Variants in ADCY8 observed in about 807,000 individuals in gnomAD.
ADCY8 encodes the protein adenylate cyclase type 8.
In ADCY8, 51 loss-of-function variants were observed where a neutral mutation model predicts 119.7. The observed-to-expected ratio is 0.43, with a 90% CI of 0.34 to 0.54. The LOEUF (loss-of-function observed/expected upper bound fraction) is 0.54. Among genes scored for constraint, ADCY8 ranks in the 20% least tolerant of loss-of-function variants. The probability of loss-of-function intolerance (pLI) is 0.03; values close to 1 mark genes in which losing one functional copy is unlikely to be tolerated. For missense variants in ADCY8, 1,383 were observed against 1,598.8 expected (o/e 0.87, Z 2.30); for synonymous variants, 665 against 651.0 (o/e 1.02, Z -0.33).
chr8:130,887,825 A>G (rs995452254), intron 7 of ADCY8, among the ~76,000 whole-genome samples: 2 of 151,746 alleles, frequency 1.3e-5, no homozygotes, highest in African/African-American at 4.8e-5. Flanking sequence ...TGTCACCTTC[A>G]GTGGGATAAT....
intron 3 of ADCY8, among the ~76,000 whole-genome samples, chr8:130,945,042 C>T (rs558765641): frequency 2.1e-3 from 323 of 152,164 alleles, no homozygotes; most frequent in Middle Eastern, 6.8e-3. Context: ...ATGTGATGAG[C>T]GAAGTGATTG....
intron 5 of ADCY8, among the ~76,000 whole-genome samples, chr8:130,928,114 G>C (rs1208268663): frequency 6.6e-6 from 1 of 152,134 alleles, no homozygotes; most frequent in African/African-American, 2.4e-5. Context: ...GCAGTCACCT[G>C]TGGCTGCCGA....
intron 6 of ADCY8, among the ~76,000 whole-genome samples, chr8:130,904,464 A>C (rs777974551): frequency 2.4e-4 from 37 of 152,276 alleles, no homozygotes; most frequent in Non-Finnish European, 1.9e-4. Flanking sequence ...ATGCAAAAAC[A>C]GTTCTTTCTT....
chr8:130,867,806 A>G, intron 9 of ADCY8, 40 bp downstream of exon 9: 1 of 1,447,536 alleles, frequency 6.9e-7, no homozygotes, highest in Non-Finnish European at 9.6e-7. Context: ...GGAATCTCAC[A>G]AAGATATTTC....
intron 7 of ADCY8, 52 bp downstream of exon 7, chr8:130,903,720 T>G (rs1204942804): frequency 1.5e-5 from 24 of 1,590,474 alleles, no homozygotes; most frequent in Non-Finnish European, 2.1e-5. Context: ...GGATTGGAGA[T>G]GCACACGAGC....
At chr8:130,844,668 A>C (rs983371355) in intron 11 of ADCY8, among the ~76,000 whole-genome samples, 2 of 152,180 alleles carry the variant, frequency 1.3e-5, no homozygotes, top group African/African-American at 4.8e-5. Flanking sequence ...ATGTGTGCGC[A>C]CATACACATG....
chr8:130,972,721 G>A (rs867602063), intron 2 of ADCY8, among the ~76,000 whole-genome samples: 3 of 152,122 alleles, frequency 2.0e-5, no homozygotes, highest in African/African-American at 7.2e-5. Flanking sequence ...CACGAATGAA[G>A]CCCAACACAT....
chr8:131,027,062 G>A (rs1823844741), intron 1 of ADCY8, among the ~76,000 whole-genome samples: 2 of 152,098 alleles, frequency 1.3e-5, no homozygotes, highest in African/African-American at 4.8e-5. Flanking sequence ...TGTTAAGTTT[G>A]GCATATAGCA....
intron 8 of ADCY8, 128 bp downstream of exon 8, chr8:130,884,436 G>T: frequency 1.0e-6 from 1 of 955,330 alleles, no homozygotes; most frequent in Non-Finnish European, 1.6e-6. Flanking sequence ...ATGAAAGACA[G>T]TACCAAACCA....
chr8:131,005,746 A>G (rs1211364301), intron 1 of ADCY8, among the ~76,000 whole-genome samples: 1 of 152,136 alleles, frequency 6.6e-6, no homozygotes, highest in African/African-American at 2.4e-5. Flanking sequence ...CCTCTACTGT[A>G]GAGGAGCTCT....
Position 131,039,848 on chromosome 8 carries a change from T to C in ADCY8, c.486A>G (p.Lys162=), listed in dbSNP as rs780806669. The change falls in exon 1 of 18, where the codon AAA becomes AAG. Residue 162 remains lysine, a synonymous_variant. Transcript: ENST00000286355. ...GGTAGAGGCGTTCCAAATCCCGAGA[T>C]TTGAAGGAGTTGCGCAGGGTGGGGA... ...VIFPTLRNSF[K]SRDLERLYQR... 4.3e-6 allele frequency: 7 copies of C among 1,613,988 alleles called. No individual in the cohort carries two copies. The Admixed American group carries it at 1.2e-4, about 27-fold the overall frequency.
At chr8:130,805,812 G>A (rs1040785203) in intron 14 of ADCY8, among the ~76,000 whole-genome samples, 3 of 152,174 alleles carry the variant, frequency 2.0e-5, no homozygotes, top group Non-Finnish European at 4.4e-5. Context: ...AGCTTCTTGT[G>A]GGGCAGAAAG....
intron 12 of ADCY8, among the ~76,000 whole-genome samples, chr8:130,833,173 A>T (rs919740067): frequency 6.6e-6 from 1 of 152,200 alleles, no homozygotes; most frequent in Non-Finnish European, 1.5e-5. Flanking sequence ...GTGGAATGTT[A>T]TTCAGTATGA....
chr8:130,912,291 G>T (rs1443594491), intron 5 of ADCY8, among the ~76,000 whole-genome samples: 1 of 152,188 alleles, frequency 6.6e-6, no homozygotes, highest in Non-Finnish European at 1.5e-5. Context: ...CCCCTCTTAA[G>T]ATTGTACTGT....
At chr8:130,823,268 A>G (rs1816574442) in intron 12 of ADCY8, among the ~76,000 whole-genome samples, 1 of 152,216 alleles carries the variant, frequency 6.6e-6, no homozygotes, top group Non-Finnish European at 1.5e-5. Flanking sequence ...TGAGTCATTC[A>G]CTGTATTGCA....
chr8:130,993,374 C>G (rs1822662981), intron 1 of ADCY8, among the ~76,000 whole-genome samples: 2 of 152,142 alleles, frequency 1.3e-5, no homozygotes, highest in Non-Finnish European at 2.9e-5. Context: ...TCTTTTAAAA[C>G]AATTTTCAGC....
intron 9 of ADCY8, among the ~76,000 whole-genome samples, chr8:130,862,408 A>ATTTTG (rs1005586081): frequency 3.8e-4 from 58 of 151,684 alleles, no homozygotes; most frequent in Non-Finnish European, 5.4e-4. Flanking sequence ...ATTTAGTTCA[A>ATTTTG]TTTTGTTTTG....
At chr8:130,998,079 C>A (rs545471200) in intron 1 of ADCY8, among the ~76,000 whole-genome samples, 2 of 152,148 alleles carry the variant, frequency 1.3e-5, no homozygotes, top group South Asian at 4.2e-4. Context: ...TATAAACTGG[C>A]AGTGTACAAA....
chr8:130,806,417 C>A (rs1183193051), intron 14 of ADCY8, among the ~76,000 whole-genome samples: 2 of 152,124 alleles, frequency 1.3e-5, no homozygotes, highest in Non-Finnish European at 2.9e-5. Flanking sequence ...CAATTAGAGA[C>A]CCAGCAGAAA....
Sources: allele counts gnomAD v4.1 joint callset (sites outside exome capture counted in the v4.1 genomes callset), GRCh38; gene constraint gnomAD v4.1.1; transcripts MANE v1.5; gene names NCBI Gene and HGNC (gene_info 2026-07-23, HGNC 2026-07-21).